The following SH3GL2 variants were observed in gnomAD, a reference collection of about 807,000 sequenced individuals.
The protein encoded by SH3GL2 is endophilin-A1.
In SH3GL2, 24 loss-of-function variants were observed where a neutral mutation model predicts 46.0. That is an observed-to-expected ratio of 0.52 (90% CI 0.38 to 0.73). SH3GL2 has a LOEUF of 0.73. SH3GL2 is among the 30% of genes least tolerant of loss of function. The probability of loss-of-function intolerance (pLI) is 0.00; values close to 1 mark genes in which losing one functional copy is unlikely to be tolerated. For missense variants in SH3GL2, 413 were observed against 424.2 expected (o/e 0.97, Z 0.23); for synonymous variants, 196 against 147.1 (o/e 1.33, Z -2.40).
intron 1 of SH3GL2, among the ~76,000 whole-genome samples, chr9:17,713,561 T>C (rs1295342722): frequency 1.3e-5 from 2 of 151,534 alleles, no homozygotes; most frequent in Non-Finnish European, 3.0e-5. Context: ...ACTGTGGTAG[T>C]GTCATTCCAC....
intron 1 of SH3GL2, among the ~76,000 whole-genome samples, chr9:17,675,792 A>G (rs1421107224): frequency 6.6e-6 from 1 of 152,150 alleles, no homozygotes; most frequent in Non-Finnish European, 1.5e-5. Context: ...TAAAAATACA[A>G]AAATTAGCTG....
intron 1 of SH3GL2, among the ~76,000 whole-genome samples, chr9:17,588,660 C>T (rs1818423232): frequency 1.3e-5 from 2 of 152,168 alleles, no homozygotes; most frequent in South Asian, 4.1e-4. Context: ...GGGAATTCTT[C>T]CCCCAAGCTT....
intron 1 of SH3GL2, among the ~76,000 whole-genome samples, chr9:17,702,068 G>A (rs1456112199): frequency 6.6e-6 from 1 of 151,996 alleles, no homozygotes; most frequent in East Asian, 1.9e-4. Context: ...TTAACATAGT[G>A]TATTACTAGT....
chr9:17,601,153 G>A (rs1236460701), intron 1 of SH3GL2, among the ~76,000 whole-genome samples: 2 of 152,278 alleles, frequency 1.3e-5, no homozygotes, highest in South Asian at 2.1e-4. Flanking sequence ...AATAGGTCAC[G>A]TGGTGGCTGT....
chr9:17,617,398 G>T lies in SH3GL2; in HGVS notation c.45+38111G>T, dbSNP rs896519212. 3.9e-5 allele frequency among the ~76,000 whole-genome samples: 6 copies of T among 152,292 alleles called. No homozygotes were observed. In the East Asian group the frequency reaches 9.7e-4, roughly 25 times the overall value. ...AGTGCTCCTTGGAACCCTCCTCAGG[G>T]AAATAGGCATCATTGGAGTAGAAGG... is the stretch of plus-strand genomic sequence containing the variant. On this transcript the variant is annotated intron_variant, in intron 1 of 8. Transcript: ENST00000380607.
intron 1 of SH3GL2, among the ~76,000 whole-genome samples, chr9:17,581,932 CAG>C (rs1367278474): frequency 2.0e-5 from 3 of 152,304 alleles, no homozygotes; most frequent in Middle Eastern, 3.4e-3. Context: ...CTCCTGACCT[CAG>C]GTGATCTGCC....
intron 1 of SH3GL2, among the ~76,000 whole-genome samples, chr9:17,640,799 G>C (rs1328792944): frequency 6.6e-6 from 1 of 152,186 alleles, no homozygotes; most frequent in African/African-American, 2.4e-5. Context: ...AATGGAGACT[G>C]TATTATACAG....
intron 1 of SH3GL2, among the ~76,000 whole-genome samples, chr9:17,646,392 T>G (rs141787762): frequency 5.3e-5 from 8 of 152,196 alleles, no homozygotes; most frequent in Middle Eastern, 3.4e-3. Context: ...GTGAAACTCC[T>G]TCTCTGTCCA....
At chr9:17,746,896 T>A (rs1193513190) in intron 1 of SH3GL2, among the ~76,000 whole-genome samples, 170 bp from the exon 2 acceptor site, 2 of 152,228 alleles carry the variant, frequency 1.3e-5, no homozygotes, top group Non-Finnish European at 2.9e-5. Context: ...AGTAAGTTTT[T>A]CAGACCCTCA....
At chr9:17,752,705 TTTTTTTAAACTTGTATC>T (rs1394968306) in intron 2 of SH3GL2, among the ~76,000 whole-genome samples, 1 of 152,142 alleles carries the variant, frequency 6.6e-6, no homozygotes, top group South Asian at 2.1e-4. Context: ...AATTTCTTTC[TTTTTTTAAACTTGTATC>T]TTAACTTCAG....
intron 1 of SH3GL2, among the ~76,000 whole-genome samples, chr9:17,632,851 A>G (rs894858980): frequency 4.6e-5 from 7 of 152,184 alleles, no homozygotes; most frequent in African/African-American, 1.7e-4. Flanking sequence ...GCTTCTGCTA[A>G]TTAAATTGAA....
At chr9:17,623,705 T>TAC (rs10660392) in intron 1 of SH3GL2, among the ~76,000 whole-genome samples, 2,125 of 147,862 alleles carry the variant, frequency 0.014, 13 homozygotes, top group East Asian at 0.024. Flanking sequence ...TATAATTTCC[T>TAC]ACACACACAC....
intron 1 of SH3GL2, among the ~76,000 whole-genome samples, chr9:17,697,308 C>T (rs1261286678): frequency 6.6e-6 from 1 of 151,822 alleles, no homozygotes; most frequent in Non-Finnish European, 1.5e-5. Context: ...ACTGCAAACT[C>T]CGCCTCCCGG....
intron 1 of SH3GL2, among the ~76,000 whole-genome samples, chr9:17,623,705 TACACACACACAC>T (rs10660392): frequency 6.1e-5 from 9 of 147,796 alleles, no homozygotes; most frequent in African/African-American, 1.7e-4. Context: ...TATAATTTCC[TACACACACACAC>T]ACACACACAC....
Position 17,591,581 on chromosome 9 carries a change from C to G in SH3GL2, c.45+12294C>G, listed in dbSNP as rs565820361. On this transcript the variant is annotated intron_variant, in intron 1 of 8. Coordinates refer to ENST00000380607, the MANE Select transcript of SH3GL2 (RefSeq NM_003026.5). ...TTTGTATCAGTTATTCAGGAAAAAC[C>G]TATATACAGAGTGTTTGTAAAGATT... Among the ~76,000 whole-genome samples, 3 of 152,130 alleles carry G rather than the reference C, an allele frequency of 2.0e-5. No individual in the cohort carries two copies. In the East Asian group the frequency reaches 5.8e-4, roughly 29 times the overall value.
At chr9:17,637,165 C>A (rs1480131835) in intron 1 of SH3GL2, among the ~76,000 whole-genome samples, 1 of 152,130 alleles carries the variant, frequency 6.6e-6, no homozygotes, top group Non-Finnish European at 1.5e-5. Flanking sequence ...GACAGGAGCA[C>A]AAACATTTAA....
intron 1 of SH3GL2, among the ~76,000 whole-genome samples, chr9:17,676,600 T>C (rs1489688451): frequency 2.0e-5 from 3 of 152,202 alleles, no homozygotes; most frequent in Non-Finnish European, 4.4e-5. Flanking sequence ...AGCAAGACTC[T>C]GTCTCAAACA....
At chr9:17,671,597 C>T (rs1198535180) in intron 1 of SH3GL2, among the ~76,000 whole-genome samples, 1 of 151,906 alleles carries the variant, frequency 6.6e-6, no homozygotes. Flanking sequence ...CTCATGTACC[C>T]CATACATATA....
At chr9:17,684,117 A>G (rs1820843966) in intron 1 of SH3GL2, among the ~76,000 whole-genome samples, 1 of 152,180 alleles carries the variant, frequency 6.6e-6, no homozygotes, top group African/African-American at 2.4e-5. Flanking sequence ...CCAGACTCAG[A>G]TATGAACCAG....
Sources: gnomAD v4.1 joint callset for allele counts (sites outside exome capture counted in the v4.1 genomes callset) on GRCh38, gnomAD v4.1.1 for gene constraint, MANE v1.5 for transcripts, NCBI Gene and HGNC (gene_info 2026-07-23, HGNC 2026-07-21) for gene names.